ATP13A4: variants seen among roughly 807,000 people sequenced by gnomAD.
ATP13A4 encodes the protein ATPase 13A4, also known as probable cation-transporting ATPase 13A4.
In ATP13A4, 114 loss-of-function variants were observed where a neutral mutation model predicts 142.5. The observed-to-expected ratio is 0.80, with a 90% CI of 0.69 to 0.93. The LOEUF (loss-of-function observed/expected upper bound fraction) is 0.93, where lower values mean the gene tolerates loss of function less well. Ranked by LOEUF, ATP13A4 falls within the 40% of genes least tolerant of loss-of-function variation. The probability of loss-of-function intolerance (pLI) is 0.00; values close to 1 mark genes in which losing one functional copy is unlikely to be tolerated. For missense variants in ATP13A4, 1,392 were observed against 1,454.0 expected (o/e 0.96, Z 0.69); for synonymous variants, 488 against 514.8 (o/e 0.95, Z 0.70).
chr3:193,527,597 G>T (rs1722077595), intron 1 of ATP13A4, among the ~76,000 whole-genome samples: 1 of 150,156 alleles, frequency 6.7e-6, no homozygotes, highest in Admixed American at 6.6e-5. Context: ...GGGCGACAGA[G>T]TGAGGCTCCA....
At chr3:193,454,026 T>C in intron 17 of ATP13A4, 75 bp downstream of exon 17, 1 of 1,271,124 alleles carries the variant, frequency 7.9e-7, no homozygotes, top group Non-Finnish European at 1.1e-6. Context: ...CATCCCAGTC[T>C]AATGCACTTG....
intron 26 of ATP13A4, among the ~76,000 whole-genome samples, chr3:193,413,624 G>C (rs542704466): frequency 1.3e-5 from 2 of 152,086 alleles, no homozygotes; most frequent in Non-Finnish European, 2.9e-5. Flanking sequence ...ATAAATGGCC[G>C]CTCTGGGAGT....
At chr3:193,506,600 C>T (rs1306614009) in intron 2 of ATP13A4, among the ~76,000 whole-genome samples, 1 of 152,114 alleles carries the variant, frequency 6.6e-6, no homozygotes, top group Non-Finnish European at 1.5e-5. Context: ...TATGGTTTGG[C>T]GGTGTCCCCA....
chr3:193,501,857 G>T (rs1249487365), intron 3 of ATP13A4, among the ~76,000 whole-genome samples: 1 of 152,136 alleles, frequency 6.6e-6, no homozygotes, highest in Non-Finnish European at 1.5e-5. Flanking sequence ...TTCAAATAAG[G>T]TCATTTTTGT....
rs145229805 is a variant in ATP13A4, at chr3:193,464,230, T to C, written c.1461+710A>G. Among the ~76,000 whole-genome samples, 651 of 152,328 alleles carry C rather than the reference T, an allele frequency of 4.3e-3. 17 individuals carry two copies. The highest frequency in any genetic ancestry group is 0.037 in the Admixed American group (564 of 15,304). On this transcript the variant is annotated intron_variant, in intron 12 of 29. Coordinates refer to ENST00000342695, the MANE Select transcript of ATP13A4 (RefSeq NM_032279.4). ...ATAGCTTCTCCCATTACCAACATCC[T>C]GCTCTAGTCAAAACCACACTCTCTT...
intron 1 of ATP13A4, among the ~76,000 whole-genome samples, chr3:193,531,320 A>AAGGGAG (rs1722317369): frequency 8.7e-6 from 1 of 114,468 alleles, no homozygotes; most frequent in Non-Finnish European, 1.9e-5. Context: ...GGAAGGAAGG[A>AAGGGAG]AGGAAGGAAG....
At chr3:193,527,478 G>T (rs1263146896) in intron 1 of ATP13A4, among the ~76,000 whole-genome samples, 2 of 152,054 alleles carry the variant, frequency 1.3e-5, no homozygotes, top group South Asian at 2.1e-4. Flanking sequence ...TGGGCATGGT[G>T]ACATGTGCCT....
chr3:193,567,874 T>C (rs1023919291), intron 2 of ATP13A4, among the ~76,000 whole-genome samples: 1 of 152,204 alleles, frequency 6.6e-6, no homozygotes, highest in African/African-American at 2.4e-5. Context: ...CCCCTTCTTC[T>C]GACCCGTGAG....
At chr3:193,554,895 TAA>T, upstream of ATP13A4, 1 of 1,611,404 alleles carries the variant, frequency 6.2e-7, no homozygotes, top group Non-Finnish European at 8.5e-7. Flanking sequence ...CTCAGCTGAC[TAA>T]AAGAGTTAAT....
intron 3 of ATP13A4, among the ~76,000 whole-genome samples, chr3:193,497,207 T>A (rs1401517054): frequency 6.6e-6 from 1 of 151,982 alleles, no homozygotes; most frequent in African/African-American, 2.4e-5. Context: ...CATAAGGAAC[T>A]CAAAAAACTC....
chr3:193,445,968 C>CAAA (rs11310029), intron 18 of ATP13A4, among the ~76,000 whole-genome samples: 1 of 145,612 alleles, frequency 6.9e-6, no homozygotes. Context: ...AAACTGGGTG[C>CAAA]AAAAAAAAAA....
intron 1 of ATP13A4, among the ~76,000 whole-genome samples, chr3:193,592,361 G>A (rs1159751517): frequency 2.0e-5 from 3 of 152,126 alleles, no homozygotes; most frequent in Non-Finnish European, 4.4e-5. Flanking sequence ...CTGAGATCTG[G>A]GCCTGTCCAA....
chr3:193,570,688 G>C (rs549479793), intron 2 of ATP13A4, among the ~76,000 whole-genome samples: 2 of 152,204 alleles, frequency 1.3e-5, no homozygotes, highest in South Asian at 2.1e-4. Flanking sequence ...GTAAAGCAGG[G>C]AGGCAGTGTC....
intron 13 of ATP13A4, among the ~76,000 whole-genome samples, chr3:193,461,707 G>A (rs1426932291): frequency 6.6e-6 from 1 of 152,178 alleles, no homozygotes; most frequent in Non-Finnish European, 1.5e-5. Context: ...TGTGATTTAA[G>A]TTATAAGTGT....
rs993118154 is a variant in ATP13A4, at chr3:193,401,406, T to C, written c.*1246A>G. 6.6e-6 allele frequency among the ~76,000 whole-genome samples: 1 copy of C among 152,166 alleles called. No homozygotes were observed. Among genetic ancestry groups the C allele is most frequent in the Non-Finnish European group, 1.5e-5 (1 of 68,034 alleles). On this transcript the variant is annotated 3_prime_UTR_variant, in exon 30 of 30. Coordinates refer to ENST00000342695, the MANE Select transcript of ATP13A4 (RefSeq NM_032279.4). ...AGCCACAAACTTTAAAAAAAAAATG[T>C]ACTAGTTGTGTAAGAACTCCCATCA...
chr3:193,538,221 A>G (rs572860980), intron 1 of ATP13A4, among the ~76,000 whole-genome samples: 9 of 152,284 alleles, frequency 5.9e-5, no homozygotes, highest in Admixed American at 2.0e-4. Flanking sequence ...GTGATTTTTT[A>G]TATCTGAAAT....
rs1417068491 is a variant in ATP13A4, at chr3:193,462,039, T to C, written c.1523+723A>G. Among the ~76,000 whole-genome samples the C allele has an allele frequency of 2.0e-5, 3 of 152,034 alleles. No individual in the cohort carries two copies. The East Asian group carries it at 5.8e-4, about 29-fold the overall frequency. ...GAGTTTGAGACCAGCCTGGCCAACA[T>C]GGTGAAACCCCGTCCCTACTAAAAA... is the stretch of plus-strand genomic sequence containing the variant. On this transcript the variant is annotated intron_variant, in intron 13 of 29. Coordinates refer to ENST00000342695, the MANE Select transcript of ATP13A4 (RefSeq NM_032279.4).
chr3:193,583,469 T>C (rs1356893958), intron 1 of ATP13A4, among the ~76,000 whole-genome samples: 1 of 151,498 alleles, frequency 6.6e-6, no homozygotes, highest in Non-Finnish European at 1.5e-5. Context: ...AATAGTAAGA[T>C]GACAAGAAAA....
At chr3:193,433,507 G>A (rs1716092215) in intron 25 of ATP13A4, among the ~76,000 whole-genome samples, 2 of 152,058 alleles carry the variant, frequency 1.3e-5, no homozygotes, top group African/African-American at 4.8e-5. Flanking sequence ...TATAAATTGG[G>A]TACATTTTAA....
Sources: gnomAD v4.1 joint callset for allele counts (sites outside exome capture counted in the v4.1 genomes callset) on GRCh38, gnomAD v4.1.1 for gene constraint, MANE v1.5 for transcripts, NCBI Gene and HGNC (gene_info 2026-07-23, HGNC 2026-07-21) for gene names.